CCSER1: variants seen among roughly 807,000 people sequenced by gnomAD.
The protein encoded by CCSER1 is serine-rich coiled-coil domain-containing protein 1.
CCSER1 carries 41 observed loss-of-function variants against 82.0 expected under a neutral mutation model. The observed-to-expected ratio is 0.50, with a 90% confidence interval of 0.39 to 0.65. The LOEUF is 0.65. Ranked by LOEUF, CCSER1 falls within the 30% of genes least tolerant of loss-of-function variation. CCSER1 has a pLI of 0.00. For missense variants in CCSER1, 1,119 were observed against 1,064.2 expected, an observed-to-expected ratio of 1.05 and a Z score of -0.72; for synonymous variants, 414 against 383.9, an observed-to-expected ratio of 1.08 and a Z score of -0.92.
intron 9 of CCSER1, among the ~76,000 whole-genome samples, chr4:91,032,760 G>A (rs1741095379): frequency 1.3e-5 from 2 of 152,200 alleles, no homozygotes; most frequent in African/African-American, 4.8e-5. Flanking sequence ...CAGCAGAATT[G>A]CCTGGAAGGC....
chr4:90,845,234 C>T (rs1402908573), intron 8 of CCSER1, among the ~76,000 whole-genome samples: 2 of 151,820 alleles, frequency 1.3e-5, no homozygotes, highest in South Asian at 2.1e-4. Context: ...TGGTGACACG[C>T]GCCTGTAATC....
intron 9 of CCSER1, among the ~76,000 whole-genome samples, chr4:90,942,764 C>T (rs1731745117): frequency 6.6e-6 from 1 of 151,416 alleles, no homozygotes; most frequent in South Asian, 2.1e-4. Flanking sequence ...CTAATTTTAT[C>T]CTGATGGAGA....
intron 3 of CCSER1, among the ~76,000 whole-genome samples, chr4:90,352,667 A>C (rs201135757): frequency 1.0e-4 from 2 of 19,332 alleles, no homozygotes; most frequent in African/African-American, 3.1e-3. Context: ...CTCAAAAAAC[A>C]AAAAAAAAAC....
chr4:90,199,088 A>G (rs1012978309), intron 1 of CCSER1, among the ~76,000 whole-genome samples: 5 of 152,202 alleles, frequency 3.3e-5, no homozygotes, highest in Admixed American at 2.0e-4. Context: ...TTTTGTAACA[A>G]GAAACCAACC....
At chr4:90,964,186 TA>T (rs1239879649) in intron 9 of CCSER1, among the ~76,000 whole-genome samples, 1 of 152,196 alleles carries the variant, frequency 6.6e-6, no homozygotes, top group African/African-American at 2.4e-5. Context: ...AAGTTTTCTG[TA>T]AATAGGTGCT....
intron 1 of CCSER1, among the ~76,000 whole-genome samples, chr4:90,211,645 A>G (rs1740021239): frequency 6.6e-6 from 1 of 152,198 alleles, no homozygotes; most frequent in African/African-American, 2.4e-5. Context: ...TGGTTGGCAA[A>G]TACAGTCAGC....
At chr4:91,564,710 T>C (rs547357262) in intron 10 of CCSER1, among the ~76,000 whole-genome samples, 206 of 151,798 alleles carry the variant, frequency 1.4e-3, no homozygotes, top group African/African-American at 4.7e-3. Flanking sequence ...GTTTGTTCAT[T>C]TTCCCACTTT....
intron 8 of CCSER1, among the ~76,000 whole-genome samples, chr4:90,884,418 A>G (rs1721812644): frequency 6.6e-6 from 1 of 152,180 alleles, no homozygotes; most frequent in African/African-American, 2.4e-5. Context: ...ATCAATATAT[A>G]TAATCAATTT....
chr4:90,581,850 G>A (rs1220679531), intron 5 of CCSER1, among the ~76,000 whole-genome samples: 1 of 151,672 alleles, frequency 6.6e-6, no homozygotes, highest in Non-Finnish European at 1.5e-5. Context: ...TCAGTACAGA[G>A]CCTTGATTTT....
intron 10 of CCSER1, among the ~76,000 whole-genome samples, chr4:91,387,705 G>C (rs1193134206): frequency 6.6e-6 from 1 of 151,452 alleles, no homozygotes; most frequent in Non-Finnish European, 1.5e-5. Flanking sequence ...ATAGATTAAG[G>C]GGAACAAGGA....
At position 91,407,868 on chromosome 4, in the gene CCSER1, G is replaced by C. The variant is rs534325234; in HGVS notation, c.2218-190704G>C. Among the ~76,000 whole-genome samples, 102 of 152,292 alleles carry C rather than the reference G, an allele frequency of 6.7e-4. 1 individual carries two copies. Among genetic ancestry groups the C allele is most frequent in the Admixed American group, 6.5e-3 (100 of 15,290 alleles). On this transcript the variant is annotated intron_variant, in intron 10 of 10. Coordinates refer to ENST00000509176, the MANE Select transcript of CCSER1 (RefSeq NM_001145065.2). ...ACTGGGGATGAAATTTCAACATGAGGTGTGGAGAGTCAAATATTCAAACTG... is the reference window on the plus strand; with the variant it reads ...ACTGGGGATGAAATTTCAACATGAGCTGTGGAGAGTCAAATATTCAAACTG...
intron 8 of CCSER1, among the ~76,000 whole-genome samples, chr4:90,873,297 G>C (rs1359987567): frequency 1.3e-5 from 2 of 152,036 alleles, no homozygotes; most frequent in Middle Eastern, 3.4e-3. Context: ...CTCTGACTGT[G>C]TATTTTCAAA....
intron 10 of CCSER1, among the ~76,000 whole-genome samples, chr4:91,229,712 T>C (rs539078905): frequency 1.3e-5 from 2 of 152,242 alleles, no homozygotes; most frequent in South Asian, 4.1e-4. Flanking sequence ...GGAAGCCTCA[T>C]TCTCAGCAAA....
At chr4:90,960,579 C>T (rs1869538) in intron 9 of CCSER1, among the ~76,000 whole-genome samples, 115,719 of 152,008 alleles carry the variant, frequency 0.76, 44,591 homozygotes, top group Non-Finnish European at 0.82. Context: ...CCAGCTCAGA[C>T]AGATTTAGTT....
chr4:91,457,844 G>T (rs1756274886), intron 10 of CCSER1, among the ~76,000 whole-genome samples: 2 of 152,050 alleles, frequency 1.3e-5, no homozygotes, highest in East Asian at 1.9e-4. Context: ...TTAAAGAATG[G>T]TAACACATTA....
At chr4:90,779,031 T>C (rs1044076376) in intron 7 of CCSER1, among the ~76,000 whole-genome samples, 2 of 152,160 alleles carry the variant, frequency 1.3e-5, no homozygotes, top group Non-Finnish European at 2.9e-5. Flanking sequence ...TAACTACTCG[T>C]CTTATTTCCC....
At chr4:91,089,694 C>T (rs964709143) in intron 10 of CCSER1, among the ~76,000 whole-genome samples, 1 of 152,132 alleles carries the variant, frequency 6.6e-6, no homozygotes, top group East Asian at 1.9e-4. Context: ...AAGCAGGTTC[C>T]TATTACTATT....
chr4:91,501,168 T>C (rs1455086793), intron 10 of CCSER1, among the ~76,000 whole-genome samples: 1 of 151,940 alleles, frequency 6.6e-6, no homozygotes, highest in Non-Finnish European at 1.5e-5. Context: ...GTCAAGACAC[T>C]TGGATAGTTT....
In CCSER1 at chr4:91,280,490, T is replaced by A. The variant is rs1003089524; in HGVS notation, c.2217+194496T>A. On this transcript the variant is annotated intron_variant, in intron 10 of 10. Coordinates refer to ENST00000509176, the MANE Select transcript of CCSER1 (RefSeq NM_001145065.2). ...GTTATCAGGTTGTGTTTGCCCATCC[T>A]CAGGCCTCTGGAATAAGTACACAGG... Among the ~76,000 whole-genome samples, 3 of 152,276 alleles carry A rather than the reference T, an allele frequency of 2.0e-5. No homozygotes were observed. In the East Asian group the frequency reaches 5.8e-4, roughly 29 times the overall value.
Sources: allele counts gnomAD v4.1 joint callset (sites outside exome capture counted in the v4.1 genomes callset), GRCh38; gene constraint gnomAD v4.1.1; transcripts MANE v1.5; gene names NCBI Gene and HGNC (gene_info 2026-07-23, HGNC 2026-07-21).